RGS6: variants seen among roughly 807,000 people sequenced by gnomAD.
RGS6 encodes the protein regulator of G-protein signaling 6.
In RGS6, 30 loss-of-function variants were observed where a neutral mutation model predicts 78.5. The ratio of observed to expected loss-of-function variants is 0.38; its 90% confidence interval spans 0.29 to 0.52. The LOEUF (loss-of-function observed/expected upper bound fraction) is 0.52, where lower values mean the gene tolerates loss of function less well. RGS6 is among the 20% of genes least tolerant of loss of function. The probability of loss-of-function intolerance (pLI) is 0.85; values close to 1 mark genes in which losing one functional copy is unlikely to be tolerated. For missense variants in RGS6, 495 were observed against 609.7 expected, an observed-to-expected ratio of 0.81 and a Z score of 1.98; for synonymous variants, 206 against 206.0, an observed-to-expected ratio of 1.00 and a Z score of 0.00.
intron 2 of RGS6, among the ~76,000 whole-genome samples, chr14:71,968,696 A>T (rs1419796917): frequency 6.6e-6 from 1 of 152,144 alleles, no homozygotes; most frequent in Non-Finnish European, 1.5e-5. Flanking sequence ...TCAACCACAG[A>T]CTACTGTTAC....
chr14:72,068,936 A>G (rs1164943187), intron 2 of RGS6, among the ~76,000 whole-genome samples: 4 of 151,476 alleles, frequency 2.6e-5, no homozygotes, highest in Non-Finnish European at 4.4e-5. Context: ...CTTCTCTTTT[A>G]TACTTTCTGT....
At chr14:72,602,233 C>A in the RGS6 span, among the ~76,000 whole-genome samples, 1 of 152,192 alleles carries the variant, frequency 6.6e-6, no homozygotes, top group Non-Finnish European at 1.5e-5. Context: ...AGGAAACTTA[C>A]GTCTTAAGGG....
chr14:72,621,344 C>T, the RGS6 span, among the ~76,000 whole-genome samples: 8 of 152,126 alleles, frequency 5.3e-5, no homozygotes, highest in African/African-American at 1.7e-4. Context: ...TGGCCCCACC[C>T]CCTAGTTTCA....
At chr14:71,982,254 G>T (rs1369248223) in intron 2 of RGS6, among the ~76,000 whole-genome samples, 1 of 152,186 alleles carries the variant, frequency 6.6e-6, no homozygotes, top group African/African-American at 2.4e-5. Flanking sequence ...CTTCTGCGTC[G>T]CTCAGGCTGG....
chr14:71,900,475 A>G, the RGS6 span, among the ~76,000 whole-genome samples: 66 of 152,250 alleles, frequency 4.3e-4, no homozygotes, highest in Middle Eastern at 3.4e-3. Flanking sequence ...GTGGCCATAT[A>G]TTCATTTAAA....
chr14:72,595,125 A>G, the RGS6 span: 1 of 152,172 alleles, frequency 6.6e-6, no homozygotes, highest in African/African-American at 2.4e-5. Context: ...CTGCCAGTTC[A>G]TTATAGATGA....
chr14:72,592,514 A>G, the RGS6 span, among the ~76,000 whole-genome samples: 3 of 152,260 alleles, frequency 2.0e-5, no homozygotes, highest in African/African-American at 7.2e-5. Flanking sequence ...CAGATGATGC[A>G]TATTTTCAAG....
At chr14:71,918,503 G>A in the RGS6 span, among the ~76,000 whole-genome samples, 1 of 152,120 alleles carries the variant, frequency 6.6e-6, no homozygotes, top group Non-Finnish European at 1.5e-5. Flanking sequence ...ATGAAAATGC[G>A]TAGTTTATTG....
intron 2 of RGS6, among the ~76,000 whole-genome samples, chr14:72,051,267 A>G (rs912110415): frequency 2.6e-5 from 4 of 152,192 alleles, no homozygotes; most frequent in African/African-American, 4.8e-5. Context: ...GACAAGCACA[A>G]GCAAAAAGAA....
chr14:72,363,354 A>G (rs1463253319), intron 3 of RGS6, among the ~76,000 whole-genome samples: 1 of 152,270 alleles, frequency 6.6e-6, no homozygotes, highest in Non-Finnish European at 1.5e-5. Flanking sequence ...CGACAACCAC[A>G]GCATCAACTG....
At chr14:72,542,155 C>CT (rs1450608000) in intron 17 of RGS6, among the ~76,000 whole-genome samples, 4 of 152,162 alleles carry the variant, frequency 2.6e-5, no homozygotes, top group African/African-American at 9.7e-5. Context: ...ACAAGAAACT[C>CT]TAACAGGTGA....
intron 2 of RGS6, among the ~76,000 whole-genome samples, chr14:72,206,370 A>C (rs1177314538): frequency 6.6e-6 from 1 of 152,186 alleles, no homozygotes; most frequent in East Asian, 1.9e-4. Flanking sequence ...TACCTGGAAG[A>C]AGCAAGTCGT....
chr14:72,366,212 A>G (rs916248616), intron 3 of RGS6, among the ~76,000 whole-genome samples: 6 of 152,164 alleles, frequency 3.9e-5, no homozygotes, highest in East Asian at 1.9e-4. Flanking sequence ...CCCTGCTCAG[A>G]TCAGGACAAA....
chr14:72,448,929 GA>G (rs2095430124), intron 3 of RGS6, among the ~76,000 whole-genome samples: 1 of 152,088 alleles, frequency 6.6e-6, no homozygotes, highest in Admixed American at 6.5e-5. Flanking sequence ...TATCATATTG[GA>G]CACAATTATT....
rs138016775 is a variant in RGS6, at chr14:71,955,851, C to T, written c.-20-8921C>T. Among the ~76,000 whole-genome samples the T allele has an allele frequency of 4.2e-3, 639 of 152,220 alleles. 1 individual carries two copies. The highest frequency in any genetic ancestry group is 7.0e-3 in the Non-Finnish European group (473 of 68,020). ...AGCCTCATTTTACCCAGCCCCTACT[C>T]AAGATGGAGTTGCTCTGGTTCAAAT... is the stretch of plus-strand genomic sequence containing the variant. On this transcript the variant is annotated intron_variant, in intron 1 of 17. Coordinates refer to ENST00000553525, the MANE Select transcript of RGS6 (RefSeq NM_001204424.2).
intron 5 of RGS6, 80 bp downstream of exon 5, chr14:72,458,457 C>CCT (rs2095689849): frequency 2.6e-6 from 3 of 1,133,146 alleles, no homozygotes; most frequent in Non-Finnish European, 3.9e-6. Context: ...ACAAAGAAAA[C>CCT]CTAGGGATAT....
intron 2 of RGS6, among the ~76,000 whole-genome samples, chr14:72,310,564 A>C (rs2068353950): frequency 1.3e-5 from 2 of 152,138 alleles, no homozygotes; most frequent in African/African-American, 4.8e-5. Context: ...GATTCTCTCC[A>C]TTTTTCTAAT....
At chr14:71,910,062 C>T in the RGS6 span, among the ~76,000 whole-genome samples, 9 of 152,152 alleles carry the variant, frequency 5.9e-5, no homozygotes, top group South Asian at 4.2e-4. Flanking sequence ...TGGTGGCACG[C>T]GCCTGGAATC....
chr14:72,010,730 C>T (rs1484044770), intron 2 of RGS6, among the ~76,000 whole-genome samples: 1 of 152,180 alleles, frequency 6.6e-6, no homozygotes, highest in East Asian at 1.9e-4. Flanking sequence ...ATCTAATTTT[C>T]CAAACAGGGC....
Sources: allele counts gnomAD v4.1 joint callset (sites outside exome capture counted in the v4.1 genomes callset), GRCh38; gene constraint gnomAD v4.1.1; transcripts MANE v1.5; gene names NCBI Gene and HGNC (gene_info 2026-07-23, HGNC 2026-07-21).